The following CPA6 variants were observed in gnomAD, a reference collection of about 807,000 sequenced individuals.
The protein encoded by CPA6 is carboxypeptidase B.
A neutral mutation model predicts 63.3 loss-of-function variants in CPA6; 58 were observed. The observed-to-expected ratio is 0.92, with a 90% CI of 0.74 to 1.14. The LOEUF (loss-of-function observed/expected upper bound fraction) is 1.14. Ranked by LOEUF, CPA6 falls within the 50% of genes most tolerant of loss-of-function variation. The pLI is 0.00. For synonymous variants in CPA6, 185 were observed against 179.0 expected, an observed-to-expected ratio of 1.03 and a Z score of -0.27; for missense variants, 565 against 526.6, an observed-to-expected ratio of 1.07 and a Z score of -0.71.
intron 8 of CPA6, among the ~76,000 whole-genome samples, chr8:67,448,783 C>G (rs1057299004): frequency 7.9e-5 from 12 of 151,402 alleles, no homozygotes; most frequent in African/African-American, 2.7e-4. Context: ...AGAATTTTAT[C>G]ACTTTATTTT....
At chr8:67,662,459 A>ACATACACACGTATATGTATATATAG (rs1816133838) in intron 1 of CPA6, among the ~76,000 whole-genome samples, 1 of 149,952 alleles carries the variant, frequency 6.7e-6, no homozygotes, top group African/African-American at 2.4e-5. Flanking sequence ...TATATAGAAT[A>ACATACACACGTATATGTATATATAG]CATACACACG....
chr8:67,538,085 G>A (rs1812625289), intron 2 of CPA6, among the ~76,000 whole-genome samples: 1 of 152,170 alleles, frequency 6.6e-6, no homozygotes, highest in Admixed American at 6.5e-5. Flanking sequence ...TGCATTTGCT[G>A]AGGAATGTTT....
intron 2 of CPA6, among the ~76,000 whole-genome samples, chr8:67,574,344 C>G (rs1813567981): frequency 6.7e-6 from 1 of 150,096 alleles, no homozygotes; most frequent in African/African-American, 2.5e-5. Flanking sequence ...CCACTGCACT[C>G]CAGCCTGGGC....
chr8:67,524,370 G>T (rs544088378), intron 2 of CPA6, among the ~76,000 whole-genome samples: 106 of 152,294 alleles, frequency 7.0e-4, no homozygotes, highest in African/African-American at 2.5e-3. Flanking sequence ...TTCTCTCACA[G>T]ATTTAGAGTC....
intron 6 of CPA6, among the ~76,000 whole-genome samples, chr8:67,498,933 T>C (rs1220629683): frequency 6.6e-6 from 1 of 152,200 alleles, no homozygotes; most frequent in Non-Finnish European, 1.5e-5. Context: ...GACTATCAAC[T>C]TAAAAGACTA....
At chr8:67,480,529 C>G (rs1035363432) in intron 8 of CPA6, among the ~76,000 whole-genome samples, 2 of 152,142 alleles carry the variant, frequency 1.3e-5, no homozygotes, top group African/African-American at 4.8e-5. Context: ...AAATAATATT[C>G]CATTCTATAA....
At chr8:67,500,281 A>C (rs1274947082) in intron 6 of CPA6, among the ~76,000 whole-genome samples, 1 of 152,120 alleles carries the variant, frequency 6.6e-6, no homozygotes, top group Non-Finnish European at 1.5e-5. Flanking sequence ...CTGTGGCTTT[A>C]ATTTTCCCAA....
intron 1 of CPA6, among the ~76,000 whole-genome samples, chr8:67,678,804 T>C (rs1217647724): frequency 6.6e-6 from 1 of 152,218 alleles, no homozygotes; most frequent in Non-Finnish European, 1.5e-5. Flanking sequence ...TACAGGAATG[T>C]TTATAGCAGT....
chr8:67,668,957 A>G (rs886874300), intron 1 of CPA6, among the ~76,000 whole-genome samples: 2 of 152,202 alleles, frequency 1.3e-5, no homozygotes, highest in African/African-American at 4.8e-5. Context: ...GCCTGCAGGT[A>G]GCTAAAGAAA....
chr8:67,688,298 A>G (rs953698565), intron 1 of CPA6, among the ~76,000 whole-genome samples: 1 of 152,236 alleles, frequency 6.6e-6, no homozygotes, highest in Admixed American at 6.5e-5. Flanking sequence ...CCAAATGACC[A>G]AGGGGACAGA....
intron 1 of CPA6, among the ~76,000 whole-genome samples, chr8:67,705,379 T>G (rs1232367219): frequency 6.6e-6 from 1 of 152,152 alleles, no homozygotes; most frequent in Non-Finnish European, 1.5e-5. Context: ...AAATTATAAA[T>G]TTCCCTTTGG....
rs58059553 is a variant in CPA6 at position 67,430,131 on chromosome 8, ATGTGTGTGTGTG to A, written c.1042-2012_1042-2001del. ...TCAGCTAAGTAAATGGTATATATAT[ATGTGTGTGTGTG>A]TGTGTGTGTGTGTGTGTGTGTGTGT... On this transcript the variant is annotated intron_variant, in intron 9 of 10. Coordinates refer to ENST00000297770, the MANE Select transcript of CPA6 (RefSeq NM_020361.5). Among the ~76,000 whole-genome samples the A allele has an allele frequency of 5.3e-4, 68 of 128,666 alleles. 1 individual carries two copies. The highest frequency in any genetic ancestry group is 1.5e-3 in the South Asian group (6 of 3,894). 84.4% of individuals were successfully genotyped at this position (128,666 alleles called of 152,430 possible).
chr8:67,696,419 G>A (rs921112057), intron 1 of CPA6, among the ~76,000 whole-genome samples: 2 of 152,196 alleles, frequency 1.3e-5, no homozygotes, highest in Non-Finnish European at 2.9e-5. Context: ...AGGTCATGGA[G>A]CATTGTGGGA....
At chr8:67,739,210 G>T (rs548552456) in intron 1 of CPA6, among the ~76,000 whole-genome samples, 21 of 152,206 alleles carry the variant, frequency 1.4e-4, no homozygotes, top group Non-Finnish European at 2.8e-4. Flanking sequence ...GTTTGGTTCA[G>T]AGGGGTAGAG....
At chr8:67,712,072 A>C (rs1817275444) in intron 1 of CPA6, among the ~76,000 whole-genome samples, 1 of 152,054 alleles carries the variant, frequency 6.6e-6, no homozygotes, top group Non-Finnish European at 1.5e-5. Context: ...ACCCACACTG[A>C]TATGTGCGCT....
At chr8:67,735,387 G>T (rs999676053) in intron 1 of CPA6, 2 of 152,256 alleles carry the variant, frequency 1.3e-5, no homozygotes, top group African/African-American at 4.8e-5. Flanking sequence ...AAGGATGAGA[G>T]AACTGGGAAG....
At chr8:67,498,478 G>C (rs1375788311) in intron 6 of CPA6, among the ~76,000 whole-genome samples, 2 of 140,194 alleles carry the variant, frequency 1.4e-5, no homozygotes, top group Non-Finnish European at 3.0e-5. Context: ...AGAGGTTGCA[G>C]TGAGCCAAGA....
At chr8:67,567,739 C>T (rs888055943) in intron 2 of CPA6, among the ~76,000 whole-genome samples, 10 of 152,186 alleles carry the variant, frequency 6.6e-5, no homozygotes, top group Non-Finnish European at 1.3e-4. Context: ...CTCTGCCTTC[C>T]GTAAGTTGGC....
At chr8:67,474,255 T>G (rs1811125038) in intron 8 of CPA6, among the ~76,000 whole-genome samples, 1 of 152,178 alleles carries the variant, frequency 6.6e-6, no homozygotes, top group South Asian at 2.1e-4. Context: ...GGAGTCTTGC[T>G]CTGTCGCCCA....
Sources: allele counts gnomAD v4.1 joint callset (sites outside exome capture counted in the v4.1 genomes callset), GRCh38; gene constraint gnomAD v4.1.1; transcripts MANE v1.5; gene names NCBI Gene and HGNC (gene_info 2026-07-23, HGNC 2026-07-21).